The following SOCS4 variants were observed in gnomAD, a reference collection of about 807,000 sequenced individuals.
The protein encoded by SOCS4 is SH2 domain containing SOCS box protein.
In SOCS4, 20 loss-of-function variants were observed where a neutral mutation model predicts 34.1. The observed-to-expected ratio is 0.59, with a 90% CI of 0.41 to 0.85. The LOEUF is 0.85. Ranked by LOEUF, SOCS4 falls within the 40% of genes least tolerant of loss-of-function variation. The pLI is 0.00. For missense variants in SOCS4, 479 were observed against 532.4 expected (o/e 0.90, Z 0.99); for synonymous variants, 180 against 186.4 (o/e 0.97, Z 0.28).
intron 2 of SOCS4, among the ~76,000 whole-genome samples, chr14:55,032,868 C>T (rs142460461): frequency 2.0e-5 from 3 of 152,226 alleles, no homozygotes; most frequent in Admixed American, 1.3e-4. Context: ...CTGCAAGGTC[C>T]GCCTCCTGGG....
chr14:55,043,346 G>A lies in SOCS4; in HGVS notation c.305G>A (p.Cys102Tyr). The change falls in exon 3 of 3, where the codon TGT (cysteine) becomes TAT (tyrosine). Residue 102 changes from cysteine to tyrosine, a missense_variant. Cys to Tyr is a radical substitution (Grantham distance 194, BLOSUM62 -2). Coordinates refer to ENST00000555846, the MANE Select transcript of SOCS4 (RefSeq NM_199421.2). ...AAACTGCAAGATGCCGTGGGGCAGT[G>A]TTTTCCAATAAAGAATTGTAGTAGT... is the stretch of plus-strand genomic sequence containing the variant. ...KQKLQDAVGQCFPIKNCSSRH... is the reference protein window; with the variant it reads ...KQKLQDAVGQYFPIKNCSSRH... 1 of 1,614,198 alleles carries A rather than the reference G, an allele frequency of 6.2e-7. No homozygotes were observed. The highest frequency in any genetic ancestry group is 8.5e-7 in the Non-Finnish European group (1 of 1,180,026).
At chr14:55,038,806 A>G (rs2042593829) in intron 2 of SOCS4, among the ~76,000 whole-genome samples, 2 of 152,056 alleles carry the variant, frequency 1.3e-5, no homozygotes, top group South Asian at 4.2e-4. Context: ...TTTCTGTAGC[A>G]CCCAGTGCCT....
chr14:55,044,133 T>C lies in SOCS4; in HGVS notation c.1092T>C (p.Tyr364=). The part of the protein sequence containing the change: ...SPDITGLLEH[Y]KDPSACMFFE... Reference sequence around the variant, plus strand: ...ACATTACTGGGCTCCTAGAACATTATAAGGACCCAAGCGCCTGTATGTTCT... The same window carrying C: ...ACATTACTGGGCTCCTAGAACATTACAAGGACCCAAGCGCCTGTATGTTCT... Residue 364 remains tyrosine (Y), a synonymous_variant, in exon 3 of 3, where the codon TAT becomes TAC. Transcript: ENST00000555846. 2 of 1,614,166 alleles carry C rather than the reference T, an allele frequency of 1.2e-6. No homozygotes were observed. The highest frequency in any genetic ancestry group is 1.7e-6 in the Non-Finnish European group (2 of 1,180,016).
intron 1 of SOCS4, among the ~76,000 whole-genome samples, chr14:55,028,456 G>T (rs2042491649): frequency 6.6e-6 from 1 of 151,866 alleles, no homozygotes; most frequent in Non-Finnish European, 1.5e-5. Context: ...GGATAGACTG[G>T]CTTATAAATT....
intron 1 of SOCS4, among the ~76,000 whole-genome samples, chr14:55,031,207 A>G (rs1233472038): frequency 6.6e-6 from 1 of 152,170 alleles, no homozygotes; most frequent in East Asian, 1.9e-4. Flanking sequence ...TTCTGCTTTT[A>G]GAAGTTCAGG....
At position 55,045,904 on chromosome 14, in the gene SOCS4, G is replaced by C. The variant is rs1024055589; in HGVS notation, c.*1540G>C. 5 of 166,910 alleles carry C rather than the reference G, an allele frequency of 3.0e-5. No individual in the cohort carries two copies. The highest frequency in any genetic ancestry group is 7.2e-5 in the African/African-American group (3 of 41,456). The allele number at this position is 166,910 out of a possible 1,614,324, so 10.3% of individuals were successfully genotyped here. A position where few individuals can be genotyped will look rare whatever the true frequency, so the allele number is the denominator to read the frequency against. ...CTTCATTATTGTTGCTTTTATGTGA[G>C]TAGCATTTCCCTATCTTGCAGTTCT... On this transcript the variant is annotated 3_prime_UTR_variant, in exon 3 of 3. Coordinates refer to ENST00000555846, the MANE Select transcript of SOCS4 (RefSeq NM_199421.2).
Position 55,045,671 on chromosome 14 carries a change from G to A in SOCS4, c.*1307G>A, listed in dbSNP as rs1282286484. On this transcript the variant is annotated 3_prime_UTR_variant, in exon 3 of 3. Transcript: ENST00000555846. ...GTAACTAGTAAAAATAAATGGAGTG[G>A]TATCCTATCTTCTTTTTTTAAGGAA... The A allele has an allele frequency of 6.0e-6, 1 of 166,860 alleles. No homozygotes were observed. The highest frequency in any genetic ancestry group is 1.5e-5 in the Non-Finnish European group (1 of 68,004). The allele number at this position is 166,860 out of a possible 1,614,324, so 10.3% of individuals were successfully genotyped here.
chr14:55,034,702 G>A (rs1055000175), intron 2 of SOCS4, among the ~76,000 whole-genome samples: 3 of 151,904 alleles, frequency 2.0e-5, no homozygotes, highest in African/African-American at 4.8e-5. Flanking sequence ...CAGGCGCGGT[G>A]GCAGGTGCCT....
rs10693039 is a variant in SOCS4, at chr14:55,044,646, T to TTTTTC, written c.*285_*286insTCTTT. 0.3 allele frequency: 51,991 copies of TTTTTC among 174,180 alleles called. 9,170 individuals carry two copies. Among genetic ancestry groups the TTTTTC allele is most frequent in the African/African-American group, 0.55 (21,768 of 39,746 alleles). The allele number at this position is 174,180 out of a possible 1,614,324, so 10.8% of individuals were successfully genotyped here. A position where few individuals can be genotyped will look rare whatever the true frequency, so the allele number is the denominator to read the frequency against. On this transcript the variant is annotated 3_prime_UTR_variant, in exon 3 of 3. Coordinates refer to ENST00000555846, the MANE Select transcript of SOCS4 (RefSeq NM_199421.2). ...CTTTCCTTAATTTATACATGATCCT[T>TTTTTC]TTTCCTTAATTTATACATGATCCAG... is the stretch of plus-strand genomic sequence containing the variant.
intron 2 of SOCS4, among the ~76,000 whole-genome samples, chr14:55,042,090 C>T (rs558762869): frequency 2.0e-5 from 3 of 152,062 alleles, no homozygotes; most frequent in Admixed American, 2.0e-4. Context: ...CCCTGGCAAC[C>T]CTAAATCTTA....
At chr14:55,031,017 T>C (rs899021659) in intron 1 of SOCS4, among the ~76,000 whole-genome samples, 1 of 152,130 alleles carries the variant, frequency 6.6e-6, no homozygotes, top group African/African-American at 2.4e-5. Context: ...ATAGCTTTTT[T>C]CCCCCTCCTT....
At chr14:55,039,549 T>G (rs1356090670) in intron 2 of SOCS4, among the ~76,000 whole-genome samples, 1 of 152,126 alleles carries the variant, frequency 6.6e-6, no homozygotes, top group African/African-American at 2.4e-5. Context: ...AGCAAGAAGT[T>G]TGAGAGAGAA....
chr14:55,039,851 G>A (rs1418824453), intron 2 of SOCS4, among the ~76,000 whole-genome samples: 5 of 152,162 alleles, frequency 3.3e-5, no homozygotes, highest in African/African-American at 4.8e-5. Flanking sequence ...AGCCGAGATC[G>A]TGCCACTGCA....
chr14:55,042,016 A>G (rs1458748083), intron 2 of SOCS4, among the ~76,000 whole-genome samples: 2 of 151,504 alleles, frequency 1.3e-5, no homozygotes, highest in East Asian at 1.9e-4. Flanking sequence ...TGGGCTGGTC[A>G]TGAACTCCTG....
rs766256415 is a variant in SOCS4 at position 55,045,699 on chromosome 14, A to T, written c.*1335A>T. The T allele has an allele frequency of 2.4e-5, 4 of 166,972 alleles. No individual in the cohort carries two copies. The highest frequency in any genetic ancestry group is 4.4e-5 in the Non-Finnish European group (3 of 68,016). 10.3% of individuals were successfully genotyped at this position (166,972 alleles called of 1,614,324 possible). A position where few individuals can be genotyped will look rare whatever the true frequency, so the allele number is the denominator to read the frequency against. On this transcript the variant is annotated 3_prime_UTR_variant, in exon 3 of 3. Coordinates refer to ENST00000555846, the MANE Select transcript of SOCS4 (RefSeq NM_199421.2). ...TCCTATCTTCTTTTTTTAAGGAATC[A>T]ATGAATAATAAATGTAGATAGACAA...
In SOCS4 at chr14:55,031,854, C is replaced by T. The variant is rs950649554; in HGVS notation, c.-219-9C>T. The stretch of plus-strand genomic sequence containing the variant: ...ACCTGTTTTCAGATTTTTTTCTTAA[C>T]ATTCCAAGGAGTTCATCTGTTGTCT... On this transcript the variant is annotated splice_polypyrimidine_tract_variant and intron_variant, in intron 1 of 2. Coordinates refer to ENST00000555846, the MANE Select transcript of SOCS4 (RefSeq NM_199421.2). 6.6e-6 allele frequency: 1 copy of T among 152,146 alleles called. No homozygotes were observed. Among genetic ancestry groups the T allele is most frequent in the Admixed American group, 6.5e-5 (1 of 15,274 alleles). 9.4% of individuals were successfully genotyped at this position (152,146 alleles called of 1,614,324 possible). A position where few individuals can be genotyped will look rare whatever the true frequency, so the allele number is the denominator to read the frequency against.
chr14:55,029,287 G>A (rs2042507118), intron 1 of SOCS4, among the ~76,000 whole-genome samples: 2 of 152,106 alleles, frequency 1.3e-5, no homozygotes, highest in African/African-American at 4.8e-5. Flanking sequence ...AGAAATCAGT[G>A]TAGCTGTGTC....
At position 55,045,142 on chromosome 14, in the gene SOCS4, T is replaced by A. The variant is rs1303325471; in HGVS notation, c.*778T>A. On this transcript the variant is annotated 3_prime_UTR_variant, in exon 3 of 3. Transcript: ENST00000555846. ...CAAGAGCTAAACCATCTTCAAAACA[T>A]AAATCTTGTTCCTTTCTCATTGGAA... The A allele has an allele frequency of 6.0e-6, 1 of 167,002 alleles. No individual in the cohort carries two copies. The highest frequency in any genetic ancestry group is 2.4e-5 in the African/African-American group (1 of 41,448). 10.3% of individuals were successfully genotyped at this position (167,002 alleles called of 1,614,324 possible). A position where few individuals can be genotyped will look rare whatever the true frequency, so the allele number is the denominator to read the frequency against.
chr14:55,042,061 G>C (rs1211030179), intron 2 of SOCS4, among the ~76,000 whole-genome samples: 1 of 152,040 alleles, frequency 6.6e-6, no homozygotes, highest in Non-Finnish European at 1.5e-5. Flanking sequence ...GCCTCTCAAA[G>C]TGCTAGTATT....
Sources: allele counts gnomAD v4.1 joint callset (sites outside exome capture counted in the v4.1 genomes callset), GRCh38; gene constraint gnomAD v4.1.1; transcripts MANE v1.5; gene names NCBI Gene and HGNC (gene_info 2026-07-23, HGNC 2026-07-21).